The following OPCML variants were observed in gnomAD, a reference collection of about 807,000 sequenced individuals.
OPCML encodes the protein opioid-binding protein/cell adhesion molecule.
OPCML carries 13 observed loss-of-function variants against 37.8 expected under a neutral mutation model. That is an observed-to-expected ratio of 0.34 (90% CI 0.22 to 0.55). The LOEUF is 0.55. Among genes scored for constraint, OPCML ranks in the 20% least tolerant of loss-of-function variants. The probability of loss-of-function intolerance (pLI) is 0.91; values close to 1 mark genes in which losing one functional copy is unlikely to be tolerated. For missense variants in OPCML, 341 were observed against 435.6 expected (o/e 0.78, Z 1.93); for synonymous variants, 176 against 168.8 (o/e 1.04, Z -0.33).
At chr11:133,347,438 T>A (rs1004784171) in intron 1 of OPCML, among the ~76,000 whole-genome samples, 4 of 152,190 alleles carry the variant, frequency 2.6e-5, no homozygotes, top group African/African-American at 9.6e-5. Flanking sequence ...AAATTAAAAT[T>A]ATGTTCATTG....
chr11:133,308,793 A>G (rs760723563), intron 1 of OPCML, among the ~76,000 whole-genome samples: 1 of 152,230 alleles, frequency 6.6e-6, no homozygotes, highest in African/African-American at 2.4e-5. Flanking sequence ...TCTGTAGCAC[A>G]TTTTGGTGCT....
At chr11:132,580,216 G>C (rs1218142166) in intron 3 of OPCML, among the ~76,000 whole-genome samples, 10 of 152,142 alleles carry the variant, frequency 6.6e-5, no homozygotes, top group South Asian at 2.1e-4. Context: ...GACTCCGCAG[G>C]GGGGAAACCC....
At chr11:133,028,981 T>TATCCAGA (rs1947616734) in intron 1 of OPCML, among the ~76,000 whole-genome samples, 1 of 149,172 alleles carries the variant, frequency 6.7e-6, no homozygotes, top group African/African-American at 2.5e-5. Context: ...AAAGAACTAA[T>TATCCAGA]ATCCAGAATC....
intron 1 of OPCML, among the ~76,000 whole-genome samples, chr11:133,106,532 G>A (rs1949160520): frequency 6.6e-6 from 1 of 152,204 alleles, no homozygotes; most frequent in Admixed American, 6.5e-5. Context: ...GCAGTGTAAG[G>A]AACTACATAA....
chr11:132,604,985 T>TA (rs1241561489), intron 3 of OPCML, among the ~76,000 whole-genome samples: 2 of 152,024 alleles, frequency 1.3e-5, no homozygotes, highest in East Asian at 3.9e-4. Context: ...AGAAATAAAT[T>TA]TTAGTAAAAA....
At chr11:133,045,798 G>A (rs1273013154) in intron 1 of OPCML, among the ~76,000 whole-genome samples, 1 of 152,170 alleles carries the variant, frequency 6.6e-6, no homozygotes, top group Non-Finnish European at 1.5e-5. Context: ...CTGCCTACTG[G>A]TAGACAGCTT....
At chr11:132,725,488 G>C (rs896526277) in intron 2 of OPCML, among the ~76,000 whole-genome samples, 2 of 152,138 alleles carry the variant, frequency 1.3e-5, no homozygotes, top group Non-Finnish European at 2.9e-5. Flanking sequence ...GACATGTGCT[G>C]GAGAACATTT....
rs1191513377 is a variant in OPCML at position 132,544,597 on chromosome 11, G to T, written c.380-15411C>A. 2.6e-5 allele frequency among the ~76,000 whole-genome samples: 4 copies of T among 152,284 alleles called. No individual in the cohort carries two copies. The East Asian group carries it at 7.7e-4, about 29-fold the overall frequency. Reference sequence around the variant, plus strand: ...GTTATTAGAGGCTCCAGTGTCACCAGCCCAGAAAATATTTCAGGTTAATAA... The same window carrying T: ...GTTATTAGAGGCTCCAGTGTCACCATCCCAGAAAATATTTCAGGTTAATAA... On this transcript the variant is annotated intron_variant, in intron 3 of 7. Coordinates refer to ENST00000524381, the MANE Select transcript of OPCML (RefSeq NM_001012393.5).
intron 1 of OPCML, among the ~76,000 whole-genome samples, chr11:133,451,084 G>A (rs1946572345): frequency 1.3e-5 from 2 of 151,680 alleles, no homozygotes; most frequent in African/African-American, 4.9e-5. Flanking sequence ...GGGGAAAAGG[G>A]AGACTAGAAC....
intron 1 of OPCML, among the ~76,000 whole-genome samples, chr11:133,477,266 A>G (rs1428854314): frequency 2.0e-5 from 3 of 152,222 alleles, no homozygotes; most frequent in Non-Finnish European, 4.4e-5. Flanking sequence ...GATGCAAAAT[A>G]ATAACTATCT....
chr11:132,867,148 C>T (rs1942596859), intron 2 of OPCML, among the ~76,000 whole-genome samples: 1 of 152,168 alleles, frequency 6.6e-6, no homozygotes, highest in Non-Finnish European at 1.5e-5. Context: ...CAGAGTCTTC[C>T]AGCCACATAA....
chr11:132,515,736 C>A (rs1234872711), intron 4 of OPCML, among the ~76,000 whole-genome samples: 1 of 152,136 alleles, frequency 6.6e-6, no homozygotes, highest in East Asian at 1.9e-4. Flanking sequence ...ATGATTACTA[C>A]CTTTAAACTG....
At chr11:132,851,989 G>A (rs1331326553) in intron 2 of OPCML, among the ~76,000 whole-genome samples, 1 of 152,322 alleles carries the variant, frequency 6.6e-6, no homozygotes, top group Non-Finnish European at 1.5e-5. Context: ...CTCAAGAAGA[G>A]CATTCTGACC....
chr11:133,119,862 G>GTAGC (rs1949394766), intron 1 of OPCML, among the ~76,000 whole-genome samples: 3 of 152,296 alleles, frequency 2.0e-5, no homozygotes, highest in South Asian at 4.1e-4. Context: ...GGTGGAGCAG[G>GTAGC]TAGCGGGAAA....
chr11:133,531,994 G>A (rs754906056), intron 1 of OPCML: 5 of 163,584 alleles, frequency 3.1e-5, no homozygotes, highest in Non-Finnish European at 6.4e-5. Context: ...TGAAACAGCA[G>A]TGCCTCACAG....
At chr11:132,846,203 A>G (rs1247557301) in intron 2 of OPCML, among the ~76,000 whole-genome samples, 3 of 152,214 alleles carry the variant, frequency 2.0e-5, no homozygotes, top group African/African-American at 7.2e-5. Context: ...GTCTAGGCTT[A>G]CAAGTTTTAC....
intron 1 of OPCML, among the ~76,000 whole-genome samples, chr11:133,318,329 T>C (rs1943251243): frequency 1.3e-5 from 2 of 152,150 alleles, no homozygotes; most frequent in African/African-American, 2.4e-5. Flanking sequence ...TACGAAGAAC[T>C]CCTCACGCTC....
At chr11:132,684,711 A>C (rs1301362285) in intron 2 of OPCML, among the ~76,000 whole-genome samples, 1 of 152,208 alleles carries the variant, frequency 6.6e-6, no homozygotes, top group Non-Finnish European at 1.5e-5. Flanking sequence ...ATCAGCAGTG[A>C]AAAATGGACA....
chr11:133,085,917 ATTG>A (rs1307983119), intron 1 of OPCML, among the ~76,000 whole-genome samples: 1 of 152,184 alleles, frequency 6.6e-6, no homozygotes, highest in Non-Finnish European at 1.5e-5. Flanking sequence ...AGCTAGTTGA[ATTG>A]TTTAATTAAC....
Sources: allele counts gnomAD v4.1 joint callset (sites outside exome capture counted in the v4.1 genomes callset), GRCh38; gene constraint gnomAD v4.1.1; transcripts MANE v1.5; gene names NCBI Gene and HGNC (gene_info 2026-07-23, HGNC 2026-07-21).